KLF12: variants seen among roughly 807,000 people sequenced by gnomAD.
The protein encoded by KLF12 is KLF transcription factor 12.
In KLF12, 9 loss-of-function variants were observed where a neutral mutation model predicts 37.8. The ratio of observed to expected loss-of-function variants is 0.24; its 90% CI spans 0.14 to 0.42. KLF12 has a LOEUF of 0.42. Among genes scored for constraint, KLF12 ranks in the 10% least tolerant of loss-of-function variants. KLF12 has a pLI of 1.00. For missense variants in KLF12, 411 were observed against 516.0 expected, an observed-to-expected ratio of 0.80 and a Z score of 1.97; for synonymous variants, 208 against 202.1, an observed-to-expected ratio of 1.03 and a Z score of -0.25.
rs551806541 is a variant in KLF12, at chr13:73,802,936, C to T, written c.806+10216G>A. On this transcript the variant is annotated intron_variant, in intron 5 of 7. Coordinates refer to ENST00000377669, the MANE Select transcript of KLF12 (RefSeq NM_007249.5). ...ATAGTAACATGTACACTAATATGGACATTTTATCATTTTTGGTAAACAATT... is the reference window on the plus strand; with the variant it reads ...ATAGTAACATGTACACTAATATGGATATTTTATCATTTTTGGTAAACAATT... 3.3e-5 allele frequency among the ~76,000 whole-genome samples: 5 copies of T among 152,180 alleles called. No individual in the cohort carries two copies. The South Asian group carries it at 1.0e-3, about 32-fold the overall frequency.
chr13:74,207,141 A>G, the KLF12 span, among the ~76,000 whole-genome samples: 9 of 152,200 alleles, frequency 5.9e-5, no homozygotes, highest in African/African-American at 2.2e-4. Flanking sequence ...CTGTCCTTTC[A>G]TGAGGAACCA....
At chr13:73,737,513 A>G (rs1877550362) in intron 6 of KLF12, among the ~76,000 whole-genome samples, 1 of 152,180 alleles carries the variant, frequency 6.6e-6, no homozygotes, top group Non-Finnish European at 1.5e-5. Flanking sequence ...CTGCCCTTTC[A>G]GGTCCTATGA....
the KLF12 span, among the ~76,000 whole-genome samples, chr13:74,213,240 T>A: frequency 1.3e-5 from 2 of 152,186 alleles, no homozygotes; most frequent in African/African-American, 4.8e-5. Flanking sequence ...TCATTGTTCA[T>A]GACATTGACT....
At chr13:73,937,710 G>A (rs1844798987) in intron 3 of KLF12, among the ~76,000 whole-genome samples, 1 of 152,194 alleles carries the variant, frequency 6.6e-6, no homozygotes, top group Non-Finnish European at 1.5e-5. Flanking sequence ...GGCCCTGAGG[G>A]AAAGGATTTG....
At chr13:74,012,357 C>T (rs577332273) in intron 1 of KLF12, among the ~76,000 whole-genome samples, 78 of 152,250 alleles carry the variant, frequency 5.1e-4, no homozygotes, top group African/African-American at 1.7e-3. Context: ...ACTATTAAAA[C>T]GAAAAGAGTC....
intron 3 of KLF12, among the ~76,000 whole-genome samples, chr13:73,859,643 A>G (rs1326207573): frequency 6.6e-6 from 1 of 152,218 alleles, no homozygotes; most frequent in African/African-American, 2.4e-5. Flanking sequence ...CCAACATCAT[A>G]ATGTCTATTT....
the KLF12 span, among the ~76,000 whole-genome samples, chr13:74,291,888 T>G: frequency 6.6e-6 from 1 of 152,182 alleles, no homozygotes; most frequent in Non-Finnish European, 1.5e-5. Flanking sequence ...CAAAATGTCT[T>G]CTCAGCTGTG....
chr13:73,773,158 T>A (rs1300907059), intron 5 of KLF12, among the ~76,000 whole-genome samples: 2 of 152,170 alleles, frequency 1.3e-5, no homozygotes, highest in Non-Finnish European at 2.9e-5. Context: ...GACCTGAGTA[T>A]CCTTAGCATA....
chr13:73,934,829 A>G (rs1266731156), intron 3 of KLF12, among the ~76,000 whole-genome samples: 1 of 151,870 alleles, frequency 6.6e-6, no homozygotes, highest in East Asian at 1.9e-4. Flanking sequence ...TTGAAAGTCC[A>G]ATTGTAGGTA....
the KLF12 span, among the ~76,000 whole-genome samples, chr13:74,211,638 T>G: frequency 6.6e-6 from 1 of 152,192 alleles, no homozygotes; most frequent in Non-Finnish European, 1.5e-5. Flanking sequence ...GAGGAGCCAT[T>G]GAATGTTTTT....
intron 3 of KLF12, among the ~76,000 whole-genome samples, chr13:73,869,305 A>G (rs1389417664): frequency 1.3e-5 from 2 of 152,166 alleles, no homozygotes; most frequent in Non-Finnish European, 2.9e-5. Context: ...AAAAAGAGAA[A>G]TATCTTGCTA....
the KLF12 span, among the ~76,000 whole-genome samples, chr13:74,145,907 A>G: frequency 6.6e-6 from 1 of 152,202 alleles, no homozygotes; most frequent in Non-Finnish European, 1.5e-5. Context: ...TATTCTTAGT[A>G]TCACAGAGTC....
intron 1 of KLF12, among the ~76,000 whole-genome samples, chr13:74,027,754 T>C (rs1893013797): frequency 6.6e-6 from 1 of 152,192 alleles, no homozygotes; most frequent in Non-Finnish European, 1.5e-5. Flanking sequence ...CTCTTTTTTC[T>C]TTTTTACTTC....
At chr13:74,266,944 T>C in the KLF12 span, among the ~76,000 whole-genome samples, 2 of 152,164 alleles carry the variant, frequency 1.3e-5, no homozygotes, top group South Asian at 2.1e-4. Context: ...AGTGGATATC[T>C]TTTTCCATCT....
the KLF12 span, among the ~76,000 whole-genome samples, chr13:74,222,030 T>C: frequency 1.3e-5 from 2 of 152,210 alleles, no homozygotes; most frequent in African/African-American, 4.8e-5. Flanking sequence ...TCTCCAGTAC[T>C]GAATAGTTGA....
chr13:73,756,160 T>C (rs1879153175), intron 6 of KLF12, among the ~76,000 whole-genome samples: 1 of 152,102 alleles, frequency 6.6e-6, no homozygotes, highest in African/African-American at 2.4e-5. Context: ...TGATTTAAGA[T>C]AAATATAAAT....
At chr13:73,989,118 G>C (rs1037912322) in intron 2 of KLF12, among the ~76,000 whole-genome samples, 1 of 152,098 alleles carries the variant, frequency 6.6e-6, no homozygotes, top group African/African-American at 2.4e-5. Flanking sequence ...AAATGGCAAT[G>C]TAAAGGCATT....
chr13:74,256,751 T>G, the KLF12 span, among the ~76,000 whole-genome samples: 1 of 151,710 alleles, frequency 6.6e-6, no homozygotes, highest in African/African-American at 2.4e-5. Context: ...CCACGCTGTT[T>G]TGGAAACGGC....
At chr13:73,905,905 C>T (rs530724051) in intron 3 of KLF12, among the ~76,000 whole-genome samples, 1 of 152,282 alleles carries the variant, frequency 6.6e-6, no homozygotes, top group East Asian at 1.9e-4. Flanking sequence ...ATTTCACCTT[C>T]CCAACTCTTC....
Sources: gnomAD v4.1 joint callset for allele counts (sites outside exome capture counted in the v4.1 genomes callset) on GRCh38, gnomAD v4.1.1 for gene constraint, MANE v1.5 for transcripts, NCBI Gene and HGNC (gene_info 2026-07-23, HGNC 2026-07-21) for gene names.